The following ANKS1B variants were observed in gnomAD, a reference collection of about 807,000 sequenced individuals.
ANKS1B encodes ankyrin repeat and sterile alpha motif domain-containing protein 1B.
In ANKS1B, 36 loss-of-function variants were observed where a neutral mutation model predicts 148.3. That is an observed-to-expected ratio of 0.24 (90% confidence interval 0.19 to 0.32). ANKS1B has a LOEUF of 0.32. ANKS1B is among the 10% of genes least tolerant of loss of function. The pLI is 1.00. For synonymous variants in ANKS1B, 542 were observed against 560.8 expected (o/e 0.97, Z 0.47); for missense variants, 1,157 against 1,542.6 (o/e 0.75, Z 4.19).
intron 12 of ANKS1B, among the ~76,000 whole-genome samples, chr12:99,249,669 G>A (rs2074313622): frequency 6.6e-6 from 1 of 152,190 alleles, no homozygotes; most frequent in Admixed American, 6.5e-5. Flanking sequence ...TTGCAGTTAT[G>A]GCCCCAGTCT....
chr12:99,571,573 T>A (rs958441143), intron 9 of ANKS1B, among the ~76,000 whole-genome samples: 1 of 152,144 alleles, frequency 6.6e-6, no homozygotes, highest in Non-Finnish European at 1.5e-5. Flanking sequence ...ATGTTTCCCA[T>A]CTTTGTATCC....
chr12:99,495,232 C>T (rs1016034664), intron 10 of ANKS1B, among the ~76,000 whole-genome samples: 1 of 152,126 alleles, frequency 6.6e-6, no homozygotes, highest in Non-Finnish European at 1.5e-5. Context: ...ATTCCCACAT[C>T]ATCAAATCAT....
At chr12:99,798,118 C>T (rs912851986) in intron 4 of ANKS1B, among the ~76,000 whole-genome samples, 29 of 151,926 alleles carry the variant, frequency 1.9e-4, no homozygotes, top group African/African-American at 5.1e-4. Context: ...AAATTTAGCA[C>T]TCCAACCATA....
chr12:99,780,830 A>C (rs536613650), intron 5 of ANKS1B, among the ~76,000 whole-genome samples: 1 of 152,302 alleles, frequency 6.6e-6, no homozygotes, highest in African/African-American at 2.4e-5. Context: ...GTTGTCCACA[A>C]AGAATTTATC....
chr12:98,883,498 G>C (rs2099721704), intron 17 of ANKS1B, among the ~76,000 whole-genome samples: 1 of 152,184 alleles, frequency 6.6e-6, no homozygotes, highest in Non-Finnish European at 1.5e-5. Flanking sequence ...CTTGATGAAG[G>C]CTTCACAGGA....
At chr12:99,045,219 A>G (rs1316739304) in intron 17 of ANKS1B, among the ~76,000 whole-genome samples, 1 of 152,082 alleles carries the variant, frequency 6.6e-6, no homozygotes, top group Non-Finnish European at 1.5e-5. Context: ...ATATTTATGA[A>G]CTTCTAATTC....
intron 12 of ANKS1B, among the ~76,000 whole-genome samples, chr12:99,357,591 C>T (rs1355571372): frequency 6.6e-6 from 1 of 152,154 alleles, no homozygotes; most frequent in Admixed American, 6.6e-5. Flanking sequence ...TAGTATTATA[C>T]TCATCATCTG....
chr12:99,786,496 AAAC>A (rs1044044281), intron 4 of ANKS1B, among the ~76,000 whole-genome samples: 23 of 152,284 alleles, frequency 1.5e-4, no homozygotes, highest in Middle Eastern at 6.8e-3. Flanking sequence ...GTGAAAATTA[AAAC>A]AACAACAACA....
intron 8 of ANKS1B, among the ~76,000 whole-genome samples, chr12:99,717,978 A>C (rs2057586393): frequency 7.4e-6 from 1 of 135,228 alleles, no homozygotes. Flanking sequence ...ATCTCGGCTC[A>C]CTGCAAGCTC....
chr12:98,888,723 T>G (rs1374540500), intron 17 of ANKS1B, among the ~76,000 whole-genome samples: 1 of 152,242 alleles, frequency 6.6e-6, no homozygotes, highest in Non-Finnish European at 1.5e-5. Flanking sequence ...AGGTCTCTGT[T>G]GGAGGGCCAC....
At chr12:99,042,788 T>C (rs908017127) in intron 17 of ANKS1B, among the ~76,000 whole-genome samples, 4 of 152,188 alleles carry the variant, frequency 2.6e-5, no homozygotes, top group Non-Finnish European at 5.9e-5. Context: ...GGCAAGGAAA[T>C]TGAAGCTTAG....
chr12:99,953,492 T>C (rs2095263445), intron 1 of ANKS1B, among the ~76,000 whole-genome samples: 1 of 151,968 alleles, frequency 6.6e-6, no homozygotes, highest in Non-Finnish European at 1.5e-5. Context: ...AATAATCTGG[T>C]GGCCAGTGGA....
intron 9 of ANKS1B, among the ~76,000 whole-genome samples, chr12:99,506,253 C>A (rs769028184): frequency 4.0e-5 from 6 of 151,754 alleles, no homozygotes; most frequent in African/African-American, 7.3e-5. Flanking sequence ...AGAAAATAGA[C>A]TAATATTTTT....
At chr12:99,890,623 G>A (rs1383920004) in intron 1 of ANKS1B, among the ~76,000 whole-genome samples, 1 of 114,422 alleles carries the variant, frequency 8.7e-6, no homozygotes, top group African/African-American at 3.3e-5. Context: ...GTGTGTGTGT[G>A]TATTCTCTTG....
intron 12 of ANKS1B, among the ~76,000 whole-genome samples, chr12:99,315,461 A>G (rs2083898091): frequency 1.3e-5 from 2 of 152,200 alleles, no homozygotes; most frequent in African/African-American, 4.8e-5. Context: ...CATATGAAGA[A>G]AAGCTCAACA....
At chr12:98,796,036 C>G (rs1285017606) in intron 22 of ANKS1B, among the ~76,000 whole-genome samples, 1 of 152,148 alleles carries the variant, frequency 6.6e-6, no homozygotes, top group East Asian at 1.9e-4. Context: ...TTAAGATCGT[C>G]TATTATGATC....
intron 11 of ANKS1B, among the ~76,000 whole-genome samples, chr12:99,413,718 C>T (rs2175524): frequency 0.41 from 62,201 of 151,934 alleles, 13,181 homozygotes; most frequent in African/African-American, 0.51. Context: ...AAATAATATG[C>T]ATACTCATCT....
chr12:99,503,257 G>A (rs375269781), intron 10 of ANKS1B, among the ~76,000 whole-genome samples: 9 of 152,170 alleles, frequency 5.9e-5, no homozygotes, highest in East Asian at 1.9e-4. Context: ...ATGAGCCATC[G>A]CTCCTGGACT....
At chr12:99,512,716 C>T (rs560718024) in intron 9 of ANKS1B, among the ~76,000 whole-genome samples, 1 of 152,178 alleles carries the variant, frequency 6.6e-6, no homozygotes, top group South Asian at 2.1e-4. Flanking sequence ...GAATACTATG[C>T]AGCCATAAAA....
Sources: allele counts gnomAD v4.1 joint callset (sites outside exome capture counted in the v4.1 genomes callset), GRCh38; gene constraint gnomAD v4.1.1; transcripts MANE v1.5; gene names NCBI Gene and HGNC (gene_info 2026-07-23, HGNC 2026-07-21).